RPS6KC1: variants seen among roughly 807,000 people sequenced by gnomAD.
RPS6KC1 encodes ribosomal protein S6 kinase C1.
Under a neutral mutation model 103.8 loss-of-function variants are expected in RPS6KC1, and 54 were observed. The observed-to-expected ratio is 0.52, with a 90% CI of 0.42 to 0.65. The LOEUF is 0.65. Ranked by LOEUF, RPS6KC1 falls within the 30% of genes least tolerant of loss-of-function variation. RPS6KC1 has a pLI of 0.00. For synonymous variants in RPS6KC1, 439 were observed against 438.7 expected (o/e 1.00, Z -0.01); for missense variants, 1,151 against 1,253.8 (o/e 0.92, Z 1.24).
intron 12 of RPS6KC1, among the ~76,000 whole-genome samples, chr1:213,251,618 A>G (rs964424417): frequency 1.3e-5 from 2 of 152,172 alleles, no homozygotes; most frequent in Non-Finnish European, 2.9e-5. Context: ...GCTGCTGAGT[A>G]TGCTTTAGAT....
At chr1:213,344,993 A>G in the RPS6KC1 span, among the ~76,000 whole-genome samples, 1 of 152,220 alleles carries the variant, frequency 6.6e-6, no homozygotes, top group Non-Finnish European at 1.5e-5. Context: ...AAGAAAATGC[A>G]AATTCTTTTG....
the RPS6KC1 span, among the ~76,000 whole-genome samples, chr1:213,589,733 T>A: frequency 1.3e-5 from 2 of 151,946 alleles, no homozygotes. Context: ...ATGTTTCCCA[T>A]ACATTGTACC....
the RPS6KC1 span, among the ~76,000 whole-genome samples, chr1:213,424,529 G>T: frequency 6.6e-6 from 1 of 152,218 alleles, no homozygotes; most frequent in Admixed American, 6.5e-5. Flanking sequence ...GTGCCCTTGT[G>T]TTACTCCAGG....
the RPS6KC1 span, among the ~76,000 whole-genome samples, chr1:213,337,324 A>T: frequency 2.6e-5 from 4 of 152,152 alleles, no homozygotes; most frequent in African/African-American, 4.8e-5. Flanking sequence ...CAGCCAGAAG[A>T]CCTGTATTTC....
chr1:213,731,779 T>TA, the RPS6KC1 span, among the ~76,000 whole-genome samples: 2 of 152,322 alleles, frequency 1.3e-5, no homozygotes, highest in Non-Finnish European at 2.9e-5. Context: ...TTTAGTGGAA[T>TA]ATGATTTATA....
intron 3 of RPS6KC1, among the ~76,000 whole-genome samples, chr1:213,092,168 C>A (rs1278318517): frequency 2.0e-5 from 3 of 152,150 alleles, no homozygotes; most frequent in African/African-American, 7.2e-5. Context: ...TTTGACCTTG[C>A]TGATTGCCTG....
chr1:213,230,749 C>T (rs1451311707), intron 9 of RPS6KC1, among the ~76,000 whole-genome samples: 3 of 149,754 alleles, frequency 2.0e-5, no homozygotes, highest in South Asian at 2.1e-4. Flanking sequence ...GCAGGAGAAT[C>T]GCTTGAACCC....
intron 6 of RPS6KC1, among the ~76,000 whole-genome samples, chr1:213,154,080 CTTG>C (rs752454841): frequency 4.6e-5 from 7 of 152,174 alleles, no homozygotes; most frequent in Non-Finnish European, 1.0e-4. Flanking sequence ...GTCAGAGGCT[CTTG>C]TTGTTTCCTT....
At chr1:213,766,389 C>G in the RPS6KC1 span, among the ~76,000 whole-genome samples, 1 of 152,126 alleles carries the variant, frequency 6.6e-6, no homozygotes, top group Non-Finnish European at 1.5e-5. Context: ...TCATCAAGAG[C>G]ACAAACCAGG....
the RPS6KC1 span, among the ~76,000 whole-genome samples, chr1:213,831,407 G>A: frequency 6.6e-6 from 1 of 152,182 alleles, no homozygotes; most frequent in Non-Finnish European, 1.5e-5. Flanking sequence ...GGGGCCACAA[G>A]CCAAGGAATG....
At chr1:213,248,911 G>C (rs1558630265) in intron 12 of RPS6KC1, among the ~76,000 whole-genome samples, 1 of 152,182 alleles carries the variant, frequency 6.6e-6, no homozygotes, top group East Asian at 1.9e-4. Flanking sequence ...TTTTGATACA[G>C]AAGAGGTGAA....
At chr1:213,107,923 C>A (rs777572609) in intron 4 of RPS6KC1, among the ~76,000 whole-genome samples, 1 of 152,050 alleles carries the variant, frequency 6.6e-6, no homozygotes, top group Non-Finnish European at 1.5e-5. Flanking sequence ...TTTCATATAT[C>A]TTTGGTGAAA....
At chr1:213,566,481 T>G in the RPS6KC1 span, among the ~76,000 whole-genome samples, 2 of 97,152 alleles carry the variant, frequency 2.1e-5, 1 homozygote, top group African/African-American at 7.4e-5. Flanking sequence ...TTTTTTTTTT[T>G]TTTTTTTTTT....
intron 14 of RPS6KC1, among the ~76,000 whole-genome samples, chr1:213,267,207 G>C (rs1186667553): frequency 6.6e-6 from 1 of 151,834 alleles, no homozygotes; most frequent in South Asian, 2.1e-4. Context: ...GAAGGGCTGA[G>C]ATATTTGAAT....
chr1:213,749,526 T>G, the RPS6KC1 span, among the ~76,000 whole-genome samples: 9 of 152,210 alleles, frequency 5.9e-5, no homozygotes, highest in Admixed American at 5.9e-4. Flanking sequence ...GGTCTTTACC[T>G]ACTTTCCAGT....
chr1:213,575,087 T>C, the RPS6KC1 span, among the ~76,000 whole-genome samples: 5 of 152,166 alleles, frequency 3.3e-5, no homozygotes, highest in East Asian at 7.7e-4. Flanking sequence ...CCTATAGCCA[T>C]GTGAACTTGG....
At chr1:213,397,340 A>AC in the RPS6KC1 span, among the ~76,000 whole-genome samples, 1 of 151,990 alleles carries the variant, frequency 6.6e-6, no homozygotes, top group African/African-American at 2.4e-5. Context: ...TTCTCCCCAC[A>AC]AACCTTCAAA....
chr1:213,503,343 C>T, the RPS6KC1 span, among the ~76,000 whole-genome samples: 1 of 152,288 alleles, frequency 6.6e-6, no homozygotes, highest in Non-Finnish European at 1.5e-5. Flanking sequence ...TAGCCGATAA[C>T]TTGTGGCTCT....
chr1:213,262,254 G>A (rs556397209), intron 13 of RPS6KC1, among the ~76,000 whole-genome samples: 5 of 152,256 alleles, frequency 3.3e-5, no homozygotes, highest in East Asian at 1.9e-4. Context: ...ATCTACCTAC[G>A]TGTGTAGATA....
Sources: allele counts gnomAD v4.1 joint callset (sites outside exome capture counted in the v4.1 genomes callset), GRCh38; gene constraint gnomAD v4.1.1; transcripts MANE v1.5; gene names NCBI Gene and HGNC (gene_info 2026-07-23, HGNC 2026-07-21).